Variants in IGF1R observed in about 807,000 individuals in gnomAD.
The protein encoded by IGF1R is insulin like growth factor 1 receptor.
IGF1R carries 44 observed loss-of-function variants against 144.6 expected under a neutral mutation model. The observed-to-expected ratio is 0.30, with a 90% CI of 0.24 to 0.39. IGF1R has a LOEUF of 0.39. Ranked by LOEUF, IGF1R falls within the 10% of genes least tolerant of loss-of-function variation. IGF1R has a pLI of 1.00. For missense variants in IGF1R, 1,355 were observed against 1,833.7 expected, an observed-to-expected ratio of 0.74 and a Z score of 4.77; for synonymous variants, 795 against 722.8, an observed-to-expected ratio of 1.10 and a Z score of -1.60.
rs767871468 is a variant in IGF1R, at chr15:98,891,684, G to C, written c.953+47G>C. On this transcript the variant is annotated intron_variant, in intron 3 of 20. Transcript: ENST00000650285. This position sits in a 1 kb window ranked among gnomAD's most constrained non-coding sequence, Gnocchi z 4.7. ...GGTCACTACCCGCCCCACCTCACCC[G>C]CCACCCTAGCACACAAAGGTAGACT... is the stretch of plus-strand genomic sequence containing the variant. 6.4e-7 allele frequency: 1 copy of C among 1,557,004 alleles called. No individual in the cohort carries two copies. The highest frequency in any genetic ancestry group is 8.7e-7 in the Non-Finnish European group (1 of 1,144,614).
At chr15:98,653,397 A>G (rs1179398886) in intron 1 of IGF1R, among the ~76,000 whole-genome samples, 1 of 152,228 alleles carries the variant, frequency 6.6e-6, no homozygotes, top group Non-Finnish European at 1.5e-5. Flanking sequence ...ATTTTTTGAT[A>G]TGCCACATTG....
At chr15:98,916,947 AC>A in intron 10 of IGF1R, 71 bp downstream of exon 10, 1 of 1,331,348 alleles carries the variant, frequency 7.5e-7, no homozygotes, top group Non-Finnish European at 1.1e-6. Context: ...CTTTCTCCCC[AC>A]CAGGTAGTGT....
At chr15:98,940,666 A>G (rs1273304270) in intron 18 of IGF1R, among the ~76,000 whole-genome samples, 1 of 152,160 alleles carries the variant, frequency 6.6e-6, no homozygotes, top group African/African-American at 2.4e-5. Flanking sequence ...CGGCCTCCCA[A>G]AGTGCTGAGA....
At chr15:98,949,107 ACCTGTGGCAGG>A (rs2016672523) in intron 20 of IGF1R, among the ~76,000 whole-genome samples, 1 of 152,036 alleles carries the variant, frequency 6.6e-6, no homozygotes. Context: ...CCCGCGCCCC[ACCTGTGGCAGG>A]CCTGAGGGAG....
intron 2 of IGF1R, among the ~76,000 whole-genome samples, chr15:98,812,596 G>A (rs2056614881): frequency 6.6e-6 from 1 of 151,998 alleles, no homozygotes; most frequent in African/African-American, 2.4e-5. Context: ...GACCTCAGGT[G>A]ATCCTCCCAC....
intron 1 of IGF1R, chr15:98,651,159 G>T (rs962297206): frequency 1.1e-5 from 8 of 718,622 alleles, no homozygotes; most frequent in Non-Finnish European, 1.4e-5. Context: ...TCACGAGTGA[G>T]GCGGGGAAGG....
rs145582447 is a variant in IGF1R, at chr15:98,891,275, C to T, written c.641-50C>T. The T allele has an allele frequency of 3.1e-5, 49 of 1,563,986 alleles. 1 individual carries two copies. Among genetic ancestry groups the T allele is most frequent in the African/African-American group, 3.1e-4 (23 of 74,124 alleles). Reference sequence around the variant, plus strand: ...GGATGCTGGCCAGGCCCAGAGAAGGCGGTGCCTCCCCTGCCCGGTCTCATC... The same window carrying T: ...GGATGCTGGCCAGGCCCAGAGAAGGTGGTGCCTCCCCTGCCCGGTCTCATC... On this transcript the variant is annotated intron_variant, in intron 2 of 20. Coordinates refer to ENST00000650285, the MANE Select transcript of IGF1R (RefSeq NM_000875.5). This position sits in a 1 kb window ranked among gnomAD's most constrained non-coding sequence, Gnocchi z 4.7.
chr15:98,875,584 A>G (rs957921926), intron 2 of IGF1R, among the ~76,000 whole-genome samples: 2 of 151,990 alleles, frequency 1.3e-5, no homozygotes, highest in Non-Finnish European at 1.5e-5. Flanking sequence ...TGTTCAGACC[A>G]AGGATGGAAT....
chr15:98,918,120 T>G (rs1831864790), intron 10 of IGF1R, among the ~76,000 whole-genome samples: 1 of 152,216 alleles, frequency 6.6e-6, no homozygotes, highest in Non-Finnish European at 1.5e-5. Flanking sequence ...GGAAGCACAG[T>G]GGTGCTCCCT....
intron 2 of IGF1R, among the ~76,000 whole-genome samples, chr15:98,878,863 G>GT (rs2013219777): frequency 6.6e-6 from 1 of 152,036 alleles, no homozygotes; most frequent in South Asian, 2.1e-4. Flanking sequence ...GGGCGTGGTG[G>GT]TGGGCGCCTA....
At chr15:98,795,702 C>A (rs1460788063) in intron 2 of IGF1R, among the ~76,000 whole-genome samples, 1 of 152,202 alleles carries the variant, frequency 6.6e-6, no homozygotes, top group Non-Finnish European at 1.5e-5. Flanking sequence ...AGTCATGAGC[C>A]ACTGCGCCTA....
rs143987996 is a variant in IGF1R at position 98,723,736 on chromosome 15, A to G, written c.640+15629A>G. ...GCTAACATCCCCGGGCCTGGAAGAT[A>G]CTGGATACTAGCTCATTAAACTCTT... On this transcript the variant is annotated intron_variant, in intron 2 of 20. Transcript: ENST00000650285. Among the ~76,000 whole-genome samples, 595 of 152,382 alleles carry G rather than the reference A, an allele frequency of 3.9e-3. 4 individuals are homozygous for G. The highest frequency in any genetic ancestry group is 0.01 in the South Asian group (50 of 4,826).
chr15:98,889,904 A>T (rs2013823165), intron 2 of IGF1R, among the ~76,000 whole-genome samples: 2 of 152,254 alleles, frequency 1.3e-5, no homozygotes, highest in South Asian at 4.1e-4. Flanking sequence ...TTTGAGGATA[A>T]AGTAGGAAAT....
At chr15:98,817,966 A>G (rs2056729614) in intron 2 of IGF1R, among the ~76,000 whole-genome samples, 2 of 152,228 alleles carry the variant, frequency 1.3e-5, no homozygotes, top group African/African-American at 4.8e-5. Context: ...TCAGGTGTCA[A>G]CAAGGTCTGG....
At chr15:98,755,422 A>G (rs940333702) in intron 2 of IGF1R, among the ~76,000 whole-genome samples, 1 of 152,104 alleles carries the variant, frequency 6.6e-6, no homozygotes, top group African/African-American at 2.4e-5. Context: ...ATGTGTATAC[A>G]TCCATCTTTG....
At chr15:98,937,303 A>G (rs2016192119) in intron 17 of IGF1R, among the ~76,000 whole-genome samples, 1 of 152,190 alleles carries the variant, frequency 6.6e-6, no homozygotes, top group African/African-American at 2.4e-5. Context: ...TGAAAAGTCC[A>G]AAACTCACTC....
chr15:98,887,902 C>T (rs2013719131), intron 2 of IGF1R, among the ~76,000 whole-genome samples: 1 of 152,228 alleles, frequency 6.6e-6, no homozygotes, highest in African/African-American at 2.4e-5. Context: ...GTTCCCTTGC[C>T]TAAAACTTTC....
At chr15:98,720,929 G>A (rs550502773) in intron 2 of IGF1R, among the ~76,000 whole-genome samples, 10 of 152,294 alleles carry the variant, frequency 6.6e-5, no homozygotes, top group African/African-American at 2.4e-4. Context: ...GCCAGTGATT[G>A]ATGTCTTCTT....
chr15:98,856,304 G>A (rs2011814440), intron 2 of IGF1R, among the ~76,000 whole-genome samples: 1 of 152,170 alleles, frequency 6.6e-6, no homozygotes, highest in South Asian at 2.1e-4. Context: ...CTATATGACG[G>A]GCATCGTCCA....
Sources: gnomAD v4.1 joint callset for allele counts (sites outside exome capture counted in the v4.1 genomes callset) on GRCh38, gnomAD v4.1.1 for gene constraint, Gnocchi (gnomAD v3.1) non-coding constraint, MANE v1.5 for transcripts, NCBI Gene and HGNC (gene_info 2026-07-23, HGNC 2026-07-21) for gene names.